The following NEK1 variants were observed in gnomAD, a reference collection of about 807,000 sequenced individuals.
NEK1 encodes the protein serine/threonine-protein kinase Nek1.
In NEK1, 137 loss-of-function variants were observed where a neutral mutation model predicts 182.1. That is an observed-to-expected ratio of 0.75 (90% CI 0.65 to 0.87). The LOEUF is 0.87. Among genes scored for constraint, NEK1 ranks in the 40% least tolerant of loss-of-function variants. NEK1 has a pLI of 0.00. For missense variants in NEK1, 1,391 were observed against 1,494.4 expected (o/e 0.93, Z 1.14); for synonymous variants, 513 against 492.2 (o/e 1.04, Z -0.56).
chr4:169,457,793 A>G (rs1743196195), intron 27 of NEK1, among the ~76,000 whole-genome samples: 1 of 151,360 alleles, frequency 6.6e-6, no homozygotes. Flanking sequence ...ATTCAAGAGT[A>G]CTGTCCTAAA....
At chr4:169,566,984 A>T (rs1763793203) in intron 12 of NEK1, among the ~76,000 whole-genome samples, 1 of 152,074 alleles carries the variant, frequency 6.6e-6, no homozygotes, top group South Asian at 2.1e-4. Context: ...AGTCCCAGCT[A>T]CTTGGGAGGC....
At chr4:169,567,405 A>ATT (rs541042339) in intron 12 of NEK1, among the ~76,000 whole-genome samples, 25 of 146,830 alleles carry the variant, frequency 1.7e-4, no homozygotes, top group African/African-American at 6.0e-4. Flanking sequence ...GAAAAAAAAA[A>ATT]TTTTTTTTTT....
chr4:169,477,413 CTT>C lies in NEK1; in HGVS notation c.2205+17_2205+18del. ...ATCATTAAGTAAAATGATTGATAAA[CTT>C]TGAAAATTTTACTTACTGAAATAGC... On this transcript the variant is annotated intron_variant, in intron 25 of 35. Transcript: ENST00000507142. 6.3e-7 allele frequency: 1 copy of C among 1,589,700 alleles called. No homozygotes were observed. Among genetic ancestry groups the C allele is most frequent in the Non-Finnish European group, 8.6e-7 (1 of 1,167,226 alleles).
intron 26 of NEK1, among the ~76,000 whole-genome samples, chr4:169,470,808 T>C (rs957456247): frequency 1.3e-5 from 2 of 152,214 alleles, no homozygotes; most frequent in Non-Finnish European, 2.9e-5. Flanking sequence ...TCGAAGGGTC[T>C]GTTGTTTGTT....
At chr4:169,403,804 T>TA (rs1367704051) in intron 32 of NEK1, among the ~76,000 whole-genome samples, 1 of 152,068 alleles carries the variant, frequency 6.6e-6, no homozygotes, top group Non-Finnish European at 1.5e-5. Flanking sequence ...TTAAGGTACT[T>TA]AAAAAAATTT....
Position 169,585,565 on chromosome 4 carries a change from T to C in NEK1, c.607-16A>G, listed in dbSNP as rs748500266. ...CAGCTTCAAACTAAATTCCAGAAAA[T>C]AAATAACATATAGGAAACATATATA... On this transcript the variant is annotated splice_polypyrimidine_tract_variant and intron_variant, in intron 9 of 35. Transcript: ENST00000507142. 1.3e-6 allele frequency: 2 copies of C among 1,531,798 alleles called. No individual in the cohort carries two copies. The highest frequency in any genetic ancestry group is 1.7e-5 in the Admixed American group (1 of 58,046). The allele number at this position is 1,531,798 out of a possible 1,614,324, so 94.9% of individuals were successfully genotyped here.
intron 19 of NEK1, among the ~76,000 whole-genome samples, chr4:169,514,886 A>C (rs1273578286): frequency 2.6e-5 from 4 of 151,622 alleles, no homozygotes; most frequent in Non-Finnish European, 5.9e-5. Context: ...TTGATTTGGG[A>C]ATATTTTGCT....
intron 19 of NEK1, among the ~76,000 whole-genome samples, chr4:169,527,111 A>G (rs778336436): frequency 2.0e-5 from 3 of 152,222 alleles, no homozygotes; most frequent in Non-Finnish European, 4.4e-5. Flanking sequence ...GCATTTGAAC[A>G]TTCAGGTGAG....
chr4:169,557,261 T>C (rs11943164), intron 16 of NEK1, among the ~76,000 whole-genome samples: 9,931 of 150,850 alleles, frequency 0.066, 453 homozygotes, highest in East Asian at 0.17. Context: ...TCTGCAGGAA[T>C]GACAAAGGAT....
intron 27 of NEK1, among the ~76,000 whole-genome samples, chr4:169,444,392 T>C (rs779722169): frequency 4.0e-5 from 6 of 151,754 alleles, no homozygotes; most frequent in East Asian, 1.9e-4. Flanking sequence ...ATTACATATA[T>C]AGACTGAAAA....
At chr4:169,451,652 T>C (rs1741800229) in intron 27 of NEK1, among the ~76,000 whole-genome samples, 1 of 152,106 alleles carries the variant, frequency 6.6e-6, no homozygotes, top group Admixed American at 6.5e-5. Flanking sequence ...TAGAGGGAAA[T>C]TTATAGCACT....
chr4:169,501,697 A>G (rs1234875910), intron 23 of NEK1, among the ~76,000 whole-genome samples: 2 of 152,158 alleles, frequency 1.3e-5, no homozygotes, highest in African/African-American at 2.4e-5. Context: ...AAAATTTTTG[A>G]AACAAATGAA....
intron 18 of NEK1, among the ~76,000 whole-genome samples, chr4:169,539,286 C>T (rs1403592392): frequency 2.6e-5 from 4 of 152,172 alleles, no homozygotes; most frequent in African/African-American, 7.2e-5. Context: ...AGATTAATAA[C>T]GCATATCTGT....
intron 19 of NEK1, among the ~76,000 whole-genome samples, chr4:169,528,851 C>G (rs912817286): frequency 2.6e-5 from 4 of 152,080 alleles, no homozygotes; most frequent in African/African-American, 9.7e-5. Context: ...TTCACTATGA[C>G]AGATCATACA....
intron 18 of NEK1, among the ~76,000 whole-genome samples, chr4:169,540,699 G>T (rs1421207968): frequency 6.6e-6 from 1 of 151,982 alleles, no homozygotes; most frequent in Non-Finnish European, 1.5e-5. Context: ...AGGATAAGAG[G>T]ATGATAATAT....
intron 2 of NEK1, among the ~76,000 whole-genome samples, chr4:169,611,177 A>T (rs1431548601): frequency 6.6e-6 from 1 of 152,246 alleles, no homozygotes; most frequent in Non-Finnish European, 1.5e-5. Flanking sequence ...CTTGGAATAC[A>T]ATGTCAATGT....
At chr4:169,432,887 C>A (rs1737695504) in intron 29 of NEK1, among the ~76,000 whole-genome samples, 1 of 152,104 alleles carries the variant, frequency 6.6e-6, no homozygotes, top group South Asian at 2.1e-4. Context: ...GATTCTCCTG[C>A]CTCAGCCTCC....
chr4:169,472,140 T>G (rs532656219), intron 26 of NEK1, among the ~76,000 whole-genome samples: 1 of 151,586 alleles, frequency 6.6e-6, no homozygotes, highest in Non-Finnish European at 1.5e-5. Flanking sequence ...TTGCTGGCAT[T>G]CCAGGTGCCA....
intron 24 of NEK1, chr4:169,478,508 C>T (rs1430736266): frequency 6.6e-6 from 1 of 152,030 alleles, no homozygotes; most frequent in Non-Finnish European, 1.5e-5. Flanking sequence ...GAAAAAGTGA[C>T]TAAGCCTACT....
Sources: allele counts gnomAD v4.1 joint callset (sites outside exome capture counted in the v4.1 genomes callset), GRCh38; gene constraint gnomAD v4.1.1; transcripts MANE v1.5; gene names NCBI Gene and HGNC (gene_info 2026-07-23, HGNC 2026-07-21).